Variants in SAMMSON observed in about 807,000 individuals in gnomAD.
The protein encoded by SAMMSON is survival associated mitochondrial melanoma specific oncogenic non-coding RNA.
At chr3:70,222,940 A>C (rs919542643) in intron 4 of SAMMSON, among the ~76,000 whole-genome samples, 1 of 152,218 alleles carries the variant, frequency 6.6e-6, no homozygotes, top group Non-Finnish European at 1.5e-5. Context: ...GTATACCTAC[A>C]TAATTTATAT....
At chr3:70,177,542 A>G (rs896404329) in intron 4 of SAMMSON, among the ~76,000 whole-genome samples, 6 of 152,192 alleles carry the variant, frequency 3.9e-5, no homozygotes, top group Non-Finnish European at 8.8e-5. Flanking sequence ...AATGTATAAT[A>G]TGCTGCCATT....
intron 2 of SAMMSON, among the ~76,000 whole-genome samples, chr3:70,403,971 T>C (rs967873786): frequency 2.0e-5 from 3 of 152,174 alleles, no homozygotes; most frequent in African/African-American, 7.2e-5. Flanking sequence ...AAATAGGTTA[T>C]AATTTTCAAA....
At chr3:70,402,971 T>TA (rs1701152897) in intron 2 of SAMMSON, among the ~76,000 whole-genome samples, 1 of 152,120 alleles carries the variant, frequency 6.6e-6, no homozygotes, top group African/African-American at 2.4e-5. Flanking sequence ...GATAGATATA[T>TA]TTTCTTAATC....
chr3:70,168,353 T>C (rs954474821), intron 4 of SAMMSON, among the ~76,000 whole-genome samples: 1 of 151,970 alleles, frequency 6.6e-6, no homozygotes, highest in Admixed American at 6.6e-5. Flanking sequence ...GCAAAACAAC[T>C]CATAACCTAT....
At chr3:70,284,776 A>G (rs1702124938) in intron 6 of SAMMSON, among the ~76,000 whole-genome samples, 1 of 152,108 alleles carries the variant, frequency 6.6e-6, no homozygotes, top group Non-Finnish European at 1.5e-5. Flanking sequence ...ACAGAGGATC[A>G]GGGAAAATAA....
chr3:70,152,443 G>C (rs2067575515), intron 4 of SAMMSON, among the ~76,000 whole-genome samples: 2 of 152,152 alleles, frequency 1.3e-5, no homozygotes, highest in Admixed American at 1.3e-4. Flanking sequence ...AATCAAAAGT[G>C]ACAGTGGGTA....
At chr3:70,184,256 A>AAC (rs1701075347) in intron 4 of SAMMSON, 1 of 152,208 alleles carries the variant, frequency 6.6e-6, no homozygotes, top group Non-Finnish European at 1.5e-5. Context: ...ATGTTTGGGA[A>AAC]ATGCTGAATT....
At chr3:70,321,055 A>G (rs1702535253) in intron 7 of SAMMSON, among the ~76,000 whole-genome samples, 1 of 152,064 alleles carries the variant, frequency 6.6e-6, no homozygotes, top group African/African-American at 2.4e-5. Context: ...TATGTTTATT[A>G]TGAGTGATTT....
chr3:70,349,158 C>G (rs1702773697), intron 7 of SAMMSON, among the ~76,000 whole-genome samples: 1 of 151,936 alleles, frequency 6.6e-6, no homozygotes, highest in Admixed American at 6.6e-5. Flanking sequence ...GAGGATCACC[C>G]AAGGTCGGGA....
At chr3:70,205,947 CTTTG>C (rs1032010659) in intron 4 of SAMMSON, 3 of 151,836 alleles carry the variant, frequency 2.0e-5, no homozygotes, top group African/African-American at 4.8e-5. Flanking sequence ...TAATTTTGAA[CTTTG>C]TTTGGCTGAT....
intron 7 of SAMMSON, among the ~76,000 whole-genome samples, chr3:70,349,420 G>A (rs953266681): frequency 1.3e-5 from 2 of 152,074 alleles, no homozygotes; most frequent in East Asian, 3.9e-4. Context: ...AAAGTGGGGA[G>A]CATTTGCCAG....
intron 8 of SAMMSON, among the ~76,000 whole-genome samples, chr3:70,355,559 A>G (rs1188907435): frequency 1.3e-5 from 2 of 152,204 alleles, no homozygotes; most frequent in Non-Finnish European, 2.9e-5. Flanking sequence ...AGATGAAGTC[A>G]TAGATACTTT....
intron 1 of SAMMSON, among the ~76,000 whole-genome samples, chr3:70,000,259 T>G (rs2066900711): frequency 6.6e-6 from 1 of 152,146 alleles, no homozygotes; most frequent in Non-Finnish European, 1.5e-5. Context: ...CCTGCCTGTC[T>G]GTATGCTCCT....
At chr3:70,337,368 T>A (rs1292182305) in intron 7 of SAMMSON, among the ~76,000 whole-genome samples, 1 of 151,582 alleles carries the variant, frequency 6.6e-6, no homozygotes, top group Non-Finnish European at 1.5e-5. Flanking sequence ...CAAAGCTTCC[T>A]GAGAGTGGGC....
intron 4 of SAMMSON, among the ~76,000 whole-genome samples, chr3:70,156,148 TAAAAG>T (rs1347364968): frequency 6.6e-6 from 1 of 151,960 alleles, no homozygotes; most frequent in Non-Finnish European, 1.5e-5. Context: ...ACTTAATGAA[TAAAAG>T]AAAAGATGAA....
chr3:70,377,404 A>C, intron 9 of SAMMSON, among the ~76,000 whole-genome samples: 1 of 152,256 alleles, frequency 6.6e-6, no homozygotes, highest in African/African-American at 2.4e-5. Flanking sequence ...AGAGTGATTT[A>C]TTCATGAAAT....
At chr3:70,314,452 G>A (rs552158162) in intron 7 of SAMMSON, among the ~76,000 whole-genome samples, 9 of 152,024 alleles carry the variant, frequency 5.9e-5, no homozygotes, top group Non-Finnish European at 8.8e-5. Flanking sequence ...TTTAATCACT[G>A]TCTTTTGGAA....
intron 3 of SAMMSON, among the ~76,000 whole-genome samples, chr3:70,060,907 T>C (rs561609717): frequency 2.4e-4 from 37 of 152,098 alleles, no homozygotes; most frequent in African/African-American, 7.2e-4. Context: ...TCAGTGGAAG[T>C]CTGTACTTAA....
intron 4 of SAMMSON, among the ~76,000 whole-genome samples, chr3:70,182,689 A>G (rs1701063496): frequency 1.3e-5 from 2 of 152,212 alleles, no homozygotes; most frequent in African/African-American, 4.8e-5. Context: ...ACTCCAACAT[A>G]AATCTAACAG....
Sources: gnomAD v4.1 joint callset for allele counts (sites outside exome capture counted in the v4.1 genomes callset) on GRCh38, gnomAD v4.1.1 for gene constraint, MANE v1.5 for transcripts, NCBI Gene and HGNC (gene_info 2026-07-23, HGNC 2026-07-21) for gene names.